ERC1: variants seen among roughly 807,000 people sequenced by gnomAD.
ERC1 encodes ELKS/RAB6-interacting/CAST family member 1, also known as RAB6 interacting protein 2.
ERC1 carries 56 observed loss-of-function variants against 132.0 expected under a neutral mutation model. The ratio of observed to expected loss-of-function variants is 0.42; its 90% CI spans 0.34 to 0.53. The LOEUF is 0.53. Among genes scored for constraint, ERC1 ranks in the 20% least tolerant of loss-of-function variants. The pLI, the probability that ERC1 is intolerant of heterozygous loss-of-function variation, is 0.03. For missense variants in ERC1, 1,202 were observed against 1,349.9 expected (o/e 0.89, Z 1.72); for synonymous variants, 478 against 476.1 (o/e 1.00, Z -0.05).
At chr12:1,364,371 C>T (rs556955014) in intron 15 of ERC1, among the ~76,000 whole-genome samples, 6 of 152,308 alleles carry the variant, frequency 3.9e-5, no homozygotes, top group Admixed American at 1.3e-4. Flanking sequence ...TTCTATATTA[C>T]GTACAAAATC....
At chr12:1,483,351 C>A (rs1405458347) in intron 18 of ERC1, among the ~76,000 whole-genome samples, 1 of 151,910 alleles carries the variant, frequency 6.6e-6, no homozygotes, top group Non-Finnish European at 1.5e-5. Context: ...AGACCGGCTT[C>A]TTTCATTTAA....
At position 1,371,877 on chromosome 12, in the gene ERC1, T is replaced by C; in HGVS notation, c.2825T>C (p.Ile942Thr). 1 of 1,614,074 alleles carries C rather than the reference T, an allele frequency of 6.2e-7. No homozygotes were observed. The highest frequency in any genetic ancestry group is 8.5e-7 in the Non-Finnish European group (1 of 1,180,012). Residue 942 changes from isoleucine (I) to threonine (T), a missense_variant, in exon 16 of 19, where the codon ATA (isoleucine) becomes ACA (threonine). Ile to Thr is a moderately conservative substitution (Grantham distance 89). Transcript: ENST00000360905. ...GCCATTAGTGAAAAAGACGCCAATA[T>C]AGCTCTCTTGGAGCTTTCGTCCTCT... ...LAAISEKDANIALLELSSSKK... is the reference protein window; with the variant it reads ...LAAISEKDANTALLELSSSKK...
At chr12:1,356,422 C>G (rs2154368839) in intron 15 of ERC1, among the ~76,000 whole-genome samples, 1 of 151,836 alleles carries the variant, frequency 6.6e-6, no homozygotes, top group Admixed American at 6.6e-5. Flanking sequence ...CTAAAACTTG[C>G]TTTGAAATAA....
At chr12:1,444,962 G>A in intron 18 of ERC1, 1 of 402,262 alleles carries the variant, frequency 2.5e-6, no homozygotes, top group Non-Finnish European at 4.4e-6. Context: ...GGTGGGGAGG[G>A]GTTTCCAGAT....
At chr12:1,041,629 C>T (rs1166646498) in intron 2 of ERC1, among the ~76,000 whole-genome samples, 1 of 152,208 alleles carries the variant, frequency 6.6e-6, no homozygotes, top group East Asian at 1.9e-4. Flanking sequence ...GCTGAGATCT[C>T]TGTTACTTGT....
At chr12:1,424,110 A>G (rs974815491) in intron 17 of ERC1, among the ~76,000 whole-genome samples, 1 of 152,180 alleles carries the variant, frequency 6.6e-6, no homozygotes, top group Admixed American at 6.6e-5. Flanking sequence ...TGCTGTGGAT[A>G]AAATAGTACT....
chr12:1,156,281 C>T (rs377709722), intron 8 of ERC1, among the ~76,000 whole-genome samples: 9 of 151,886 alleles, frequency 5.9e-5, no homozygotes, highest in East Asian at 3.9e-4. Context: ...CTCTGTCGCC[C>T]AGGCTGGAGT....
At chr12:1,160,922 T>G (rs955467520) in intron 8 of ERC1, among the ~76,000 whole-genome samples, 1 of 152,164 alleles carries the variant, frequency 6.6e-6, no homozygotes, top group African/African-American at 2.4e-5. Flanking sequence ...GATGATACCT[T>G]GATAGTGAAC....
At chr12:1,002,161 T>A (rs1460042476) in intron 1 of ERC1, among the ~76,000 whole-genome samples, 1 of 4,858 alleles carries the variant, frequency 2.1e-4, no homozygotes, top group Non-Finnish European at 8.9e-4. Flanking sequence ...CATGCCCGGC[T>A]TTTTTTTTTT....
chr12:1,343,276 C>T (rs1235320378), intron 15 of ERC1, among the ~76,000 whole-genome samples: 1 of 152,174 alleles, frequency 6.6e-6, no homozygotes, highest in Non-Finnish European at 1.5e-5. Context: ...GAGTGCCATT[C>T]GTCCCAACTA....
chr12:1,033,269 C>T (rs1968412098), intron 2 of ERC1, among the ~76,000 whole-genome samples: 1 of 152,046 alleles, frequency 6.6e-6, no homozygotes, highest in Non-Finnish European at 1.5e-5. Flanking sequence ...ATTTCCTGAC[C>T]TCATGATCCG....
intron 18 of ERC1, among the ~76,000 whole-genome samples, chr12:1,483,118 A>G (rs2094124496): frequency 6.6e-6 from 1 of 152,118 alleles, no homozygotes; most frequent in Non-Finnish European, 1.5e-5. Context: ...GCAACATGGC[A>G]AAACCCCATC....
intron 12 of ERC1, among the ~76,000 whole-genome samples, chr12:1,207,905 T>C (rs1306512320): frequency 1.3e-5 from 2 of 152,182 alleles, no homozygotes; most frequent in Admixed American, 6.5e-5. Flanking sequence ...TTAAATTTCA[T>C]ATAAACCACA....
intron 7 of ERC1, among the ~76,000 whole-genome samples, chr12:1,130,944 G>A (rs780891556): frequency 6.6e-6 from 1 of 152,016 alleles, no homozygotes; most frequent in African/African-American, 2.4e-5. Flanking sequence ...ATTTTTCTCA[G>A]CTTTAAAGTT....
chr12:1,456,457 C>T (rs1047429842), intron 18 of ERC1, among the ~76,000 whole-genome samples: 2 of 152,018 alleles, frequency 1.3e-5, no homozygotes, highest in Non-Finnish European at 2.9e-5. Flanking sequence ...TTACCCCTAG[C>T]TGCAATCTTG....
intron 17 of ERC1, among the ~76,000 whole-genome samples, chr12:1,417,273 C>G (rs1341476099): frequency 6.6e-6 from 1 of 152,190 alleles, no homozygotes; most frequent in African/African-American, 2.4e-5. Flanking sequence ...CACTAGCTGT[C>G]TCAGAACTCT....
At position 1,106,803 on chromosome 12, in the gene ERC1, A is replaced by C. The variant is rs115528261; in HGVS notation, c.1161+1979A>C. Among the ~76,000 whole-genome samples the C allele has an allele frequency of 3.5e-3, 538 of 152,336 alleles. 9 individuals are homozygous for C. The highest frequency in any genetic ancestry group is 0.012 in the African/African-American group (518 of 41,570). On this transcript the variant is annotated intron_variant, in intron 4 of 18. Coordinates refer to ENST00000360905, the MANE Select transcript of ERC1 (RefSeq NM_178040.4). ...TGTTTAACTGCCTTTTGACAGAATG[A>C]GGACGAGTAATAGTATTACTTGGTG...
intron 12 of ERC1, among the ~76,000 whole-genome samples, chr12:1,205,444 G>C (rs1957274946): frequency 6.6e-6 from 1 of 150,590 alleles, no homozygotes; most frequent in Admixed American, 6.6e-5. Flanking sequence ...TATATTTGCT[G>C]TTTATAAAAG....
intron 14 of ERC1, among the ~76,000 whole-genome samples, chr12:1,273,763 TCAGATGGACAGA>T (rs145278705): frequency 0.013 from 1,969 of 152,246 alleles, 42 homozygotes; most frequent in African/African-American, 0.045. Flanking sequence ...GGTCGGTCAG[TCAGATGGACAGA>T]CAGATAGATA....
Sources: gnomAD v4.1 joint callset for allele counts (sites outside exome capture counted in the v4.1 genomes callset) on GRCh38, gnomAD v4.1.1 for gene constraint, MANE v1.5 for transcripts, NCBI Gene and HGNC (gene_info 2026-07-23, HGNC 2026-07-21) for gene names.